IKZF1: variants seen among roughly 807,000 people sequenced by gnomAD.
IKZF1 encodes the protein IKAROS family zinc finger 1.
Under a neutral mutation model 51.7 loss-of-function variants are expected in IKZF1, and 10 were observed. The observed-to-expected ratio is 0.19, with a 90% confidence interval of 0.12 to 0.33. The LOEUF is 0.33. Among genes scored for constraint, IKZF1 ranks in the 10% least tolerant of loss-of-function variants. The pLI is 1.00. For synonymous variants in IKZF1, 280 were observed against 282.3 expected, an observed-to-expected ratio of 0.99 and a Z score of 0.08; for missense variants, 484 against 707.5, an observed-to-expected ratio of 0.68 and a Z score of 3.58.
At chr7:50,314,889 C>A (rs1243343402) in intron 1 of IKZF1, among the ~76,000 whole-genome samples, 2 of 152,220 alleles carry the variant, frequency 1.3e-5, no homozygotes, top group African/African-American at 4.8e-5. Context: ...GATGTTTCTC[C>A]CCAGGGGACA....
intron 7 of IKZF1, 84 bp from the exon 8 acceptor site, chr7:50,399,834 G>C: frequency 6.6e-7 from 1 of 1,510,172 alleles, no homozygotes; most frequent in Non-Finnish European, 8.8e-7. Flanking sequence ...TCCCCTCCCC[G>C]GTTGTAGATT....
chr7:50,376,578 G>T lies in IKZF1; in HGVS notation c.206G>T (p.Arg69Leu). The T allele has an allele frequency of 2.5e-6, 4 of 1,613,952 alleles. No individual in the cohort carries two copies. The highest frequency in any genetic ancestry group is 3.4e-6 in the Non-Finnish European group (4 of 1,179,880). ...ACTCAGAGTGATGAAGAGAATGGGC[G>T]TGCCTGTGAAATGAATGGGGAAGAA... ...VETQSDEENG[R>L]ACEMNGEECA... Residue 69 changes from arginine (R) to leucine (L), a missense_variant, in exon 4 of 8, where the codon CGT (arginine) becomes CTT (leucine). Around this residue, in one of 6 missense-constraint regions of IKZF1, gnomAD observed 118 missense variants for 138.4 expected, o/e 0.85. Transcript: ENST00000331340. This position sits in a 1 kb window ranked among gnomAD's most constrained non-coding sequence, Gnocchi z 4.5.
At chr7:50,344,473 C>G (rs1408697490) in intron 3 of IKZF1, among the ~76,000 whole-genome samples, 1 of 152,230 alleles carries the variant, frequency 6.6e-6, no homozygotes, top group Non-Finnish European at 1.5e-5. Flanking sequence ...CATTTTGCCT[C>G]TCTATTTTTT....
intron 1 of IKZF1, among the ~76,000 whole-genome samples, chr7:50,316,428 G>C (rs542287381): frequency 1.3e-5 from 2 of 152,340 alleles, no homozygotes; most frequent in East Asian, 1.9e-4. Context: ...CAGGAGTGGT[G>C]ATAGGGCATG....
chr7:50,316,593 C>A (rs561435391), intron 1 of IKZF1, among the ~76,000 whole-genome samples: 1 of 152,224 alleles, frequency 6.6e-6, no homozygotes, highest in Non-Finnish European at 1.5e-5. Flanking sequence ...GGTGCGGGGA[C>A]TGTTTGCAAA....
At chr7:50,342,792 C>G (rs1237962108) in intron 3 of IKZF1, among the ~76,000 whole-genome samples, 1 of 152,182 alleles carries the variant, frequency 6.6e-6, no homozygotes, top group Non-Finnish European at 1.5e-5. Flanking sequence ...AGTGTGCAGC[C>G]CAGACCCCAG....
chr7:50,384,328 T>C (rs1812736018), intron 5 of IKZF1, among the ~76,000 whole-genome samples: 1 of 152,198 alleles, frequency 6.6e-6, no homozygotes, highest in Non-Finnish European at 1.5e-5. Context: ...TCACCTCCTC[T>C]CCATCCTGAC....
In IKZF1 at chr7:50,401,966, A is replaced by G; in HGVS notation, c.*1339A>G. 1 of 227,158 alleles carries G rather than the reference A, an allele frequency of 4.4e-6. No individual in the cohort carries two copies. Among genetic ancestry groups the G allele is most frequent in the Non-Finnish European group, 8.8e-6 (1 of 114,160 alleles). The allele number at this position is 227,158 out of a possible 1,614,324, so 14.1% of individuals were successfully genotyped here. ...GTAGGATATTGGAATGCACAGGGCA[A>G]TTGAGGGACTGAGCCAGACCTTCGG... On this transcript the variant is annotated 3_prime_UTR_variant, in exon 8 of 8. Coordinates refer to ENST00000331340, the MANE Select transcript of IKZF1 (RefSeq NM_006060.6).
chr7:50,351,978 T>G (rs1482264008), intron 3 of IKZF1, among the ~76,000 whole-genome samples: 2 of 152,246 alleles, frequency 1.3e-5, no homozygotes, highest in African/African-American at 4.8e-5. Flanking sequence ...GGAGTTAATT[T>G]GTGGGCACAC....
In IKZF1 at chr7:50,404,334, G is replaced by A. The variant is rs554158486; in HGVS notation, c.*3707G>A. 4.5e-6 allele frequency: 1 copy of A among 224,582 alleles called. No homozygotes were observed. The highest frequency in any genetic ancestry group is 6.4e-5 in the East Asian group (1 of 15,528). 13.9% of individuals were successfully genotyped at this position (224,582 alleles called of 1,614,324 possible). On this transcript the variant is annotated 3_prime_UTR_variant, in exon 8 of 8. Transcript: ENST00000331340. ...GATGATGTTAAATTATTGCTGTTTAGCTGTGAACAAGGGATGTACCACTGG... is the reference window on the plus strand; with the variant it reads ...GATGATGTTAAATTATTGCTGTTTAACTGTGAACAAGGGATGTACCACTGG...
At chr7:50,333,729 T>C (rs1796928824) in intron 3 of IKZF1, among the ~76,000 whole-genome samples, 2 of 152,240 alleles carry the variant, frequency 1.3e-5, no homozygotes, top group Non-Finnish European at 2.9e-5. Context: ...GAAAGCATAT[T>C]ATTTGGATTC....
chr7:50,337,799 AT>A (rs1798136645), intron 3 of IKZF1, among the ~76,000 whole-genome samples: 1 of 152,152 alleles, frequency 6.6e-6, no homozygotes, highest in African/African-American at 2.4e-5. Flanking sequence ...ATGATATTTG[AT>A]GTAGGGGGCA....
intron 3 of IKZF1, among the ~76,000 whole-genome samples, chr7:50,329,844 GGCTCTCCCT>G (rs1796043725): frequency 6.6e-6 from 1 of 152,232 alleles, no homozygotes; most frequent in Non-Finnish European, 1.5e-5. Context: ...GAAAGAGATG[GGCTCTCCCT>G]GGAATCCCTG....
chr7:50,353,712 G>T (rs778637819), intron 3 of IKZF1, among the ~76,000 whole-genome samples: 1 of 152,168 alleles, frequency 6.6e-6, no homozygotes, highest in Non-Finnish European at 1.5e-5. Context: ...TTATTCAAGG[G>T]GCTCTCTTTT....
At chr7:50,325,926 T>C (rs531135862) in intron 2 of IKZF1, among the ~76,000 whole-genome samples, 1 of 152,382 alleles carries the variant, frequency 6.6e-6, no homozygotes, top group South Asian at 2.1e-4. Flanking sequence ...GCTCCGTCTT[T>C]AACTATTCAT....
rs148876058 is a variant in IKZF1, at chr7:50,370,590, A to C, written c.161-5943A>C. On this transcript the variant is annotated intron_variant, in intron 3 of 7. Coordinates refer to ENST00000331340, the MANE Select transcript of IKZF1 (RefSeq NM_006060.6). ...TGAGATTTTAATTTTTCCCAACTTT[A>C]AATAGCATCTGGGAAGGAAAGCAGC... Among the ~76,000 whole-genome samples the C allele has an allele frequency of 4.5e-3, 682 of 152,344 alleles. 6 individuals carry two copies. Among genetic ancestry groups the C allele is most frequent in the South Asian group, 0.013 (62 of 4,830 alleles).
intron 3 of IKZF1, among the ~76,000 whole-genome samples, chr7:50,348,285 T>C (rs139978866): frequency 6.6e-6 from 1 of 152,356 alleles, no homozygotes; most frequent in East Asian, 1.9e-4. Context: ...ACATGACATA[T>C]CTGGCTCTTC....
At chr7:50,336,473 T>C (rs1380923846) in intron 3 of IKZF1, among the ~76,000 whole-genome samples, 4,056 of 152,012 alleles carry the variant, frequency 0.027, 83 homozygotes, top group South Asian at 0.064. Context: ...GAATAAAGGG[T>C]GTGGTGCTGG....
At chr7:50,328,486 A>T (rs1302969451) in intron 3 of IKZF1, 1 of 152,210 alleles carries the variant, frequency 6.6e-6, no homozygotes, top group East Asian at 1.9e-4. Context: ...CCATTATACC[A>T]TGTTCTAATG....
Sources: allele counts gnomAD v4.1 joint callset (sites outside exome capture counted in the v4.1 genomes callset), GRCh38; gene constraint gnomAD v4.1.1; regional missense constraint gnomAD v4.1.1; non-coding constraint Gnocchi (gnomAD v3.1); transcripts MANE v1.5; gene names NCBI Gene and HGNC (gene_info 2026-07-23, HGNC 2026-07-21).